The following ALMS1 variants were observed in gnomAD, a reference collection of about 807,000 sequenced individuals.
ALMS1 encodes the protein centrosome-associated protein ALMS1.
A neutral mutation model predicts 352.2 loss-of-function variants in ALMS1; 271 were observed. The observed-to-expected ratio is 0.77, with a 90% CI of 0.70 to 0.85. ALMS1 has a LOEUF of 0.85. Among genes scored for constraint, ALMS1 ranks in the 40% least tolerant of loss-of-function variants. The pLI is 0.00. For missense variants in ALMS1, 5,445 were observed against 4,870.7 expected (o/e 1.12, Z -3.51); for synonymous variants, 1,865 against 1,761.2 (o/e 1.06, Z -1.48).
chr2:73,474,339 A>G (rs1329155615), intron 9 of ALMS1, among the ~76,000 whole-genome samples: 2 of 150,436 alleles, frequency 1.3e-5, no homozygotes, highest in South Asian at 4.2e-4. Context: ...ATTTGTAGAA[A>G]GTAGATTTTT....
chr2:73,599,397 C>T lies in ALMS1; in HGVS notation c.11548-4C>T. 1.2e-6 allele frequency: 2 copies of T among 1,612,550 alleles called. No individual in the cohort carries two copies. The highest frequency in any genetic ancestry group is 1.7e-6 in the Non-Finnish European group (2 of 1,179,626). The stretch of plus-strand genomic sequence containing the variant: ...TAATAACAAGATCTCTTTTATTTTT[C>T]TAGGTAGCAAACCATGTGATTTCTT... On this transcript the variant is annotated splice_region_variant and splice_polypyrimidine_tract_variant and intron_variant, in intron 16 of 22. Coordinates refer to ENST00000613296, the MANE Select transcript of ALMS1 (RefSeq NM_001378454.1).
At chr2:73,550,524 T>A in intron 13 of ALMS1, 87 bp downstream of exon 13, 4 of 1,535,862 alleles carry the variant, frequency 2.6e-6, no homozygotes, top group Non-Finnish European at 3.6e-6. Flanking sequence ...ATCCTTTTTT[T>A]CTGTTTTGTT....
At chr2:73,543,921 T>C (rs1674251405) in intron 12 of ALMS1, among the ~76,000 whole-genome samples, 1 of 152,208 alleles carries the variant, frequency 6.6e-6, no homozygotes, top group South Asian at 2.1e-4. Flanking sequence ...TTGGTGGGAC[T>C]GTAAACTAGT....
chr2:73,416,960 G>C (rs1410143047), intron 2 of ALMS1, among the ~76,000 whole-genome samples: 3 of 152,066 alleles, frequency 2.0e-5, no homozygotes, highest in African/African-American at 7.3e-5. Context: ...AATTAACTGA[G>C]TGCCTGCCAG....
intron 2 of ALMS1, among the ~76,000 whole-genome samples, chr2:73,412,710 C>T (rs180730634): frequency 4.9e-4 from 74 of 152,220 alleles, no homozygotes; most frequent in African/African-American, 1.6e-3. Context: ...GCAGGAGAAT[C>T]GCTTGAACCT....
chr2:73,524,644 G>A (rs1043110205), intron 11 of ALMS1, among the ~76,000 whole-genome samples: 2 of 151,936 alleles, frequency 1.3e-5, no homozygotes, highest in African/African-American at 4.8e-5. Context: ...GTAGAGAAAG[G>A]GTTTCACCAT....
chr2:73,415,786 G>T (rs950309338), intron 2 of ALMS1, among the ~76,000 whole-genome samples: 1 of 152,140 alleles, frequency 6.6e-6, no homozygotes, highest in Non-Finnish European at 1.5e-5. Flanking sequence ...ATCAGTGTTA[G>T]CTTTTGCTGA....
At position 73,452,756 on chromosome 2, in the gene ALMS1, G is replaced by A. The variant is rs779402813; in HGVS notation, c.6229G>A (p.Val2077Ile). ...TAAAGGTATTCTAAAGATTTCAGCT[G>A]TCCCTGAACTAACTGATGTGAATAC... Reference protein sequence around the residue: ...QSKGILKISAVPELTDVNTGK... With the variant: ...QSKGILKISAIPELTDVNTGK... The change falls in exon 8 of 23, where the codon GTC becomes ATC. Residue 2077 changes from valine to isoleucine, a missense_variant. Physicochemically the swap from Val to Ile is conservative, Grantham distance 29. Coordinates refer to ENST00000613296, the MANE Select transcript of ALMS1 (RefSeq NM_001378454.1). The A allele has an allele frequency of 7.4e-6, 12 of 1,613,224 alleles. No individual in the cohort carries two copies. The highest frequency in any genetic ancestry group is 2.2e-5 in the East Asian group (1 of 44,870).
At chr2:73,487,379 C>A (rs977872675) in intron 9 of ALMS1, among the ~76,000 whole-genome samples, 5 of 152,158 alleles carry the variant, frequency 3.3e-5, no homozygotes, top group African/African-American at 1.2e-4. Flanking sequence ...CCACGCAAGG[C>A]TGCAGCTGGA....
intron 12 of ALMS1, among the ~76,000 whole-genome samples, chr2:73,545,368 A>G (rs562334808): frequency 6.6e-6 from 1 of 152,066 alleles, no homozygotes; most frequent in South Asian, 2.1e-4. Flanking sequence ...TTTAGCAGAG[A>G]TGGGGTTTCA....
intron 16 of ALMS1, among the ~76,000 whole-genome samples, chr2:73,595,553 T>G (rs923846516): frequency 6.6e-6 from 1 of 152,240 alleles, no homozygotes; most frequent in Non-Finnish European, 1.5e-5. Context: ...GATGGACATT[T>G]GGATTGTTTG....
intron 16 of ALMS1, among the ~76,000 whole-genome samples, chr2:73,583,051 T>A (rs1010798973): frequency 3.3e-5 from 5 of 152,044 alleles, no homozygotes; most frequent in Admixed American, 1.3e-4. Flanking sequence ...TTTTTTTTTT[T>A]TATAGTAGCC....
intron 16 of ALMS1, among the ~76,000 whole-genome samples, chr2:73,598,560 C>T (rs1282473126): frequency 6.6e-6 from 1 of 152,152 alleles, no homozygotes; most frequent in African/African-American, 2.4e-5. Context: ...TTCAAGGGAT[C>T]AGATATGCTC....
At chr2:73,510,975 T>C (rs1054132730) in intron 10 of ALMS1, among the ~76,000 whole-genome samples, 8 of 152,220 alleles carry the variant, frequency 5.3e-5, no homozygotes, top group African/African-American at 1.7e-4. Context: ...CCAGCGGCTT[T>C]GTTTACACTG....
chr2:73,437,489 CT>C (rs1346909438), intron 7 of ALMS1, among the ~76,000 whole-genome samples: 1 of 152,098 alleles, frequency 6.6e-6, no homozygotes, highest in Non-Finnish European at 1.5e-5. Flanking sequence ...TGTGTTGTTT[CT>C]TTTTCACTTA....
intron 10 of ALMS1, among the ~76,000 whole-genome samples, chr2:73,506,023 T>C (rs966602086): frequency 6.6e-6 from 1 of 152,202 alleles, no homozygotes; most frequent in Non-Finnish European, 1.5e-5. Context: ...TAGTCAGTTT[T>C]CCCAGCACTA....
chr2:73,438,824 A>G lies in ALMS1; in HGVS notation c.1432+6533A>G, dbSNP rs1253271904. 6.6e-5 allele frequency among the ~76,000 whole-genome samples: 10 copies of G among 151,726 alleles called. No individual in the cohort carries two copies. In the East Asian group the frequency reaches 1.9e-3, roughly 29 times the overall value. Reference sequence around the variant, plus strand: ...TCCATTCCAATTTCTTAGTGCCTTTACTATATCACACTGGATTTTGTTGCA... The same window carrying G: ...TCCATTCCAATTTCTTAGTGCCTTTGCTATATCACACTGGATTTTGTTGCA... On this transcript the variant is annotated intron_variant, in intron 7 of 22. Transcript: ENST00000613296.
chr2:73,508,149 T>G (rs1673374477), intron 10 of ALMS1, among the ~76,000 whole-genome samples: 1 of 148,934 alleles, frequency 6.7e-6, no homozygotes, highest in Non-Finnish European at 1.5e-5. Flanking sequence ...TTCCCTTTCC[T>G]TTCCTTTCCT....
At chr2:73,604,236 A>G in intron 21 of ALMS1, among the ~76,000 whole-genome samples, 1 of 151,926 alleles carries the variant, frequency 6.6e-6, no homozygotes, top group East Asian at 1.9e-4. Context: ...CTACTCGTTA[A>G]TTAATTCATT....
Sources: gnomAD v4.1 joint callset for allele counts (sites outside exome capture counted in the v4.1 genomes callset) on GRCh38, gnomAD v4.1.1 for gene constraint, MANE v1.5 for transcripts, NCBI Gene and HGNC (gene_info 2026-07-23, HGNC 2026-07-21) for gene names.